SALL2: variants seen among roughly 807,000 people sequenced by gnomAD.
SALL2 encodes sal-like protein 2.
SALL2 carries 32 observed loss-of-function variants against 58.5 expected under a neutral mutation model. The observed-to-expected ratio is 0.55, with a 90% CI of 0.41 to 0.74. The LOEUF is 0.74. Ranked by LOEUF, SALL2 falls within the 30% of genes least tolerant of loss-of-function variation. SALL2 has a pLI of 0.00. For synonymous variants in SALL2, 516 were observed against 513.6 expected (o/e 1.00, Z -0.06); for missense variants, 1,201 against 1,268.9 (o/e 0.95, Z 0.81).
upstream of SALL2, chr14:21,526,369 A>G: frequency 4.5e-6 from 5 of 1,113,062 alleles, no homozygotes; most frequent in Non-Finnish European, 4.4e-6. Context: ...TGAGGAGGGG[A>G]GTTTATGGGG....
intron 1 of SALL2, among the ~76,000 whole-genome samples, chr14:21,536,056 C>G (rs1463290767): frequency 6.6e-6 from 1 of 152,130 alleles, no homozygotes; most frequent in Admixed American, 6.6e-5. Context: ...CTCTTCAATT[C>G]CCTGCTTGCT....
At position 21,524,670 on chromosome 14, in the gene SALL2, C is replaced by T. The variant is rs1383614452; in HGVS notation, c.1052G>A (p.Gly351Glu). The change falls in exon 2 of 2, where the codon GGA becomes GAA. Residue 351 changes from glycine to glutamate, a missense_variant. Transcript: ENST00000537235. ...ASPGLLKPKN[G>E]SGELSYGEVM... The stretch of plus-strand genomic sequence containing the variant: ...TTCTCCGTAGCTCAGCTCACCACTT[C>T]CATTCTTTGGCTTCAGGAGCCCTGG... 6.2e-7 allele frequency: 1 copy of T among 1,614,006 alleles called. No homozygotes were observed. Among genetic ancestry groups the T allele is most frequent in the East Asian group, 2.2e-5 (1 of 44,896 alleles).
upstream of SALL2, among the ~76,000 whole-genome samples, chr14:21,529,289 C>A (rs1174541996): frequency 6.6e-6 from 1 of 152,048 alleles, no homozygotes. Context: ...GGGACTAAGA[C>A]CTGGACAAGC....
chr14:21,525,435 T>A lies in SALL2; in HGVS notation c.287A>T (p.Asn96Ile), dbSNP rs1030234803. ...NPQVMDTEHS[N>I]PPDSGSSVPT... ...CACGGAGGACCCAGAATCTGGGGGGTTGCTATGCTCTGTGTCCATGACCTG... is the reference window on the plus strand; with the variant it reads ...CACGGAGGACCCAGAATCTGGGGGGATGCTATGCTCTGTGTCCATGACCTG... Residue 96 changes from asparagine to isoleucine, a missense_variant, in exon 2 of 2, where the codon AAC (asparagine) becomes ATC (isoleucine). Transcript: ENST00000537235. The surrounding 1 kb of genome is among the most constrained non-coding windows in gnomAD (Gnocchi z 4.4). The A allele has an allele frequency of 1.2e-6, 2 of 1,613,634 alleles. No individual in the cohort carries two copies. The highest frequency in any genetic ancestry group is 1.7e-6 in the Non-Finnish European group (2 of 1,179,902).
In SALL2 at chr14:21,523,882, T is replaced by C. The variant is rs200688249; in HGVS notation, c.1840A>G (p.Thr614Ala). The C allele has an allele frequency of 5.7e-5, 92 of 1,614,114 alleles. No individual in the cohort carries two copies. The East Asian group carries it at 1.5e-3, about 26-fold the overall frequency. ...AVTSAASGAP[T>A]TSAPAPSSSA... ...GATGAAGGTGCAGGGGCAGAGGTGGTGGGGGCTCCTGAGGCAGCTGAGGTC... is the reference window on the plus strand; with the variant it reads ...GATGAAGGTGCAGGGGCAGAGGTGGCGGGGGCTCCTGAGGCAGCTGAGGTC... Residue 614 changes from threonine (T) to alanine (A), a missense_variant, in exon 2 of 2, where the codon ACC becomes GCC. Transcript: ENST00000537235. The surrounding 1 kb of genome is among the most constrained non-coding windows in gnomAD (Gnocchi z 4.4).
At chr14:21,531,799 G>A (rs754845678) in intron 1 of SALL2, among the ~76,000 whole-genome samples, 4 of 145,428 alleles carry the variant, frequency 2.8e-5, no homozygotes, top group Non-Finnish European at 6.0e-5. Flanking sequence ...GTGTGATCTC[G>A]GCTCACTGCA....
At chr14:21,533,165 C>T (rs1366405458) in intron 1 of SALL2, among the ~76,000 whole-genome samples, 1 of 152,042 alleles carries the variant, frequency 6.6e-6, no homozygotes, top group Admixed American at 6.6e-5. Context: ...GGTCACATAG[C>T]TTCAAGGTCC....
chr14:21,536,496 C>T (rs1389300108), intron 1 of SALL2, among the ~76,000 whole-genome samples: 2 of 152,142 alleles, frequency 1.3e-5, no homozygotes, highest in Non-Finnish European at 2.9e-5. Context: ...AATCCCACCC[C>T]GAAGAGACGG....
In SALL2 at chr14:21,521,926, A is replaced by G; in HGVS notation, c.*778T>C. 4.1e-6 allele frequency: 6 copies of G among 1,456,576 alleles called. No individual in the cohort carries two copies. The highest frequency in any genetic ancestry group is 5.5e-6 in the Non-Finnish European group (6 of 1,097,940). The allele number at this position is 1,456,576 out of a possible 1,614,324, so 90.2% of individuals were successfully genotyped here. ...CTTCCTTCATTTCTCCCTACTTCCT[A>G]GGGTTGGGTCACCAATTACTGGAGC... On this transcript the variant is annotated 3_prime_UTR_variant, in exon 2 of 2. Transcript: ENST00000537235.
At chr14:21,531,834 A>G (rs1429652061) in intron 1 of SALL2, among the ~76,000 whole-genome samples, 3 of 150,936 alleles carry the variant, frequency 2.0e-5, no homozygotes, top group Admixed American at 6.6e-5. Flanking sequence ...GGTTCAAACG[A>G]TTTTCCTGCC....
chr14:21,529,282 A>G (rs1433967133), upstream of SALL2, among the ~76,000 whole-genome samples: 1 of 152,202 alleles, frequency 6.6e-6, no homozygotes, highest in Non-Finnish European at 1.5e-5. Flanking sequence ...CCGGGGTGGG[A>G]CTAAGACCTG....
At position 21,525,399 on chromosome 14, in the gene SALL2, G is replaced by A; in HGVS notation, c.323C>T (p.Pro108Leu). 4 of 1,614,088 alleles carry A rather than the reference G, an allele frequency of 2.5e-6. No individual in the cohort carries two copies. Among genetic ancestry groups the A allele is most frequent in the Non-Finnish European group, 3.4e-6 (4 of 1,179,978 alleles). ...PDSGSSVPTDPTWGPERRGEE... is the reference protein window; with the variant it reads ...PDSGSSVPTDLTWGPERRGEE... Reference sequence around the variant, plus strand: ...TCCTCTCCTCTCTGGGCCCCAGGTGGGATCCGTGGGCACGGAGGACCCAGA... The same window carrying A: ...TCCTCTCCTCTCTGGGCCCCAGGTGAGATCCGTGGGCACGGAGGACCCAGA... Residue 108 changes from proline to leucine, a missense_variant, in exon 2 of 2, where the codon CCC becomes CTC. Pro to Leu is a moderately conservative substitution (Grantham distance 98). Coordinates refer to ENST00000537235, the MANE Select transcript of SALL2 (RefSeq NM_001364564.1). The surrounding 1 kb of genome is among the most constrained non-coding windows in gnomAD (Gnocchi z 4.4).
chr14:21,536,578 C>T (rs1892602655), intron 1 of SALL2, among the ~76,000 whole-genome samples: 1 of 152,230 alleles, frequency 6.6e-6, no homozygotes, highest in Non-Finnish European at 1.5e-5. Context: ...GAGGAGAAAA[C>T]TCTTGGGTGG....
chr14:21,530,968 T>C (rs923833126), upstream of SALL2, among the ~76,000 whole-genome samples: 1 of 152,220 alleles, frequency 6.6e-6, no homozygotes, highest in African/African-American at 2.4e-5. Context: ...TAATTATGAA[T>C]TGATTCTGTA....
chr14:21,523,174 T>C lies in SALL2; in HGVS notation c.2548A>G (p.Met850Val), dbSNP rs768640011. Residue 850 changes from methionine to valine, a missense_variant, in exon 2 of 2, where the codon ATG becomes GTG. By Grantham distance (21) the Met-to-Val change is conservative. Transcript: ENST00000537235. The surrounding 1 kb of genome is among the most constrained non-coding windows in gnomAD (Gnocchi z 4.4). ...AAAACACCACTGCTTCCCTGCTCCA[T>C]TGGCTGAGGCTGATCCAGGCTGTCA... ...PPDSLDQPQP[M>V]EQGSSGVLGG... 14 of 1,614,170 alleles carry C rather than the reference T, an allele frequency of 8.7e-6. 1 individual carries two copies. The highest frequency in any genetic ancestry group is 7.7e-5 in the South Asian group (7 of 91,082).
rs1183463563 is a variant in SALL2, at chr14:21,522,577, A to T, written c.*127T>A. The T allele has an allele frequency of 7.0e-7, 1 of 1,422,560 alleles. No individual in the cohort carries two copies. The highest frequency in any genetic ancestry group is 1.4e-5 in the African/African-American group (1 of 70,156). The allele number at this position is 1,422,560 out of a possible 1,614,324, so 88.1% of individuals were successfully genotyped here. A position where few individuals can be genotyped will look rare whatever the true frequency, so the allele number is the denominator to read the frequency against. ...CAAGCTCAGGGACTACAGAAAAGCC[A>T]CTAGGGACATAACATGTTAAGAACT... On this transcript the variant is annotated 3_prime_UTR_variant, in exon 2 of 2. Coordinates refer to ENST00000537235, the MANE Select transcript of SALL2 (RefSeq NM_001364564.1).
chr14:21,531,932 G>A (rs976476051), intron 1 of SALL2, among the ~76,000 whole-genome samples: 14 of 151,360 alleles, frequency 9.2e-5, no homozygotes, highest in African/African-American at 3.4e-4. Flanking sequence ...GTTTCACCTT[G>A]TTGGCCAGGC....
At position 21,525,068 on chromosome 14, in the gene SALL2, A is replaced by G. The variant is rs1892231867; in HGVS notation, c.654T>C (p.Pro218=). 1 of 1,613,956 alleles carries G rather than the reference A, an allele frequency of 6.2e-7. No homozygotes were observed. Among genetic ancestry groups the G allele is most frequent in the Non-Finnish European group, 8.5e-7 (1 of 1,179,982 alleles). The change falls in exon 2 of 2, where the codon CCT becomes CCC. Residue 218 remains proline, a synonymous_variant. Transcript: ENST00000537235. This position sits in a 1 kb window ranked among gnomAD's most constrained non-coding sequence, Gnocchi z 4.4. ...LGSLGQTVGA[P]ASPSELPGTG... ...TCCCAGGTAGCTCTGAGGGACTGGC[A>G]GGGGCACCCACCGTCTGGCCTAAGG... is the stretch of plus-strand genomic sequence containing the variant.
intron 1 of SALL2, among the ~76,000 whole-genome samples, chr14:21,536,553 A>C (rs1392722305): frequency 6.6e-6 from 1 of 152,252 alleles, no homozygotes; most frequent in Non-Finnish European, 1.5e-5. Flanking sequence ...AAGACCAGTG[A>C]GCAAAGGGAG....
Sources: gnomAD v4.1 joint callset for allele counts (sites outside exome capture counted in the v4.1 genomes callset) on GRCh38, gnomAD v4.1.1 for gene constraint, Gnocchi (gnomAD v3.1) non-coding constraint, MANE v1.5 for transcripts, NCBI Gene and HGNC (gene_info 2026-07-23, HGNC 2026-07-21) for gene names.